Variants in PKHD1L1 observed in about 807,000 individuals in gnomAD.
PKHD1L1 encodes the protein PKHD1 like 1.
PKHD1L1 carries 434 observed loss-of-function variants against 462.9 expected under a neutral mutation model. The ratio of observed to expected loss-of-function variants is 0.94; its 90% confidence interval spans 0.87 to 1.02. The LOEUF is 1.02. PKHD1L1 is among the 50% of genes least tolerant of loss of function. The pLI, the probability that PKHD1L1 is intolerant of heterozygous loss-of-function variation, is 0.00. For missense variants in PKHD1L1, 5,202 were observed against 5,096.1 expected (o/e 1.02, Z -0.63); for synonymous variants, 1,781 against 1,750.0 (o/e 1.02, Z -0.44).
intron 24 of PKHD1L1, 134 bp downstream of exon 24, chr8:109,425,366 TATAA>T (rs1471246344): frequency 3.8e-6 from 2 of 519,612 alleles, no homozygotes; most frequent in Non-Finnish European, 5.9e-6. Context: ...TTATTTGATA[TATAA>T]GTAAATATGT....
chr8:109,480,444 G>T, intron 55 of PKHD1L1: 1 of 409,162 alleles, frequency 2.4e-6, no homozygotes, highest in East Asian at 6.0e-5. Flanking sequence ...TTCCAACAAA[G>T]AGTCCTAGGA....
intron 10 of PKHD1L1, among the ~76,000 whole-genome samples, chr8:109,394,710 A>G (rs1563733679): frequency 6.6e-6 from 1 of 152,186 alleles, no homozygotes; most frequent in Non-Finnish European, 1.5e-5. Flanking sequence ...TGAAAAATAA[A>G]CTCATTACAC....
chr8:109,387,493 T>G (rs547725568), intron 6 of PKHD1L1, among the ~76,000 whole-genome samples: 1 of 152,280 alleles, frequency 6.6e-6, no homozygotes, highest in South Asian at 2.1e-4. Flanking sequence ...GCTTTCTGTT[T>G]CAGTTTTTTC....
chr8:109,456,862 C>CA (rs1346367358), intron 46 of PKHD1L1, among the ~76,000 whole-genome samples: 1 of 152,020 alleles, frequency 6.6e-6, no homozygotes, highest in African/African-American at 2.4e-5. Flanking sequence ...AAATGGTTCC[C>CA]ACTGAGCAAA....
At chr8:109,512,912 A>T (rs1052388969) in intron 71 of PKHD1L1, among the ~76,000 whole-genome samples, 1 of 151,926 alleles carries the variant, frequency 6.6e-6, no homozygotes, top group Non-Finnish European at 1.5e-5. Context: ...GGTCCTTCAC[A>T]TCCCTTGTAA....
intron 24 of PKHD1L1, among the ~76,000 whole-genome samples, chr8:109,426,579 G>C (rs1396860057): frequency 2.0e-5 from 3 of 152,096 alleles, no homozygotes; most frequent in Non-Finnish European, 4.4e-5. Flanking sequence ...GGGGGACATA[G>C]AGTTTGCAAG....
Position 109,476,577 on chromosome 8 carries a change from A to C in PKHD1L1, c.8827A>C (p.Arg2943=). The C allele has an allele frequency of 1.9e-6, 3 of 1,568,602 alleles. No individual in the cohort carries two copies. In the East Asian group the frequency reaches 6.8e-5, roughly 36 times the overall value. The change falls in exon 52 of 78, where the codon AGG becomes CGG. Residue 2943 remains arginine, a synonymous_variant. Transcript: ENST00000378402. ...NPDMFNIIDM[R]NGSSNPLNWN... is the part of the protein sequence containing the mutation. ...TGACATGTTTAATATTATTGATATG[A>C]GGAATGGTTCCTCAAATCCATTGAA...
chr8:109,511,449 G>C (rs1819976835), intron 71 of PKHD1L1, among the ~76,000 whole-genome samples: 1 of 149,106 alleles, frequency 6.7e-6, no homozygotes, highest in African/African-American at 2.5e-5. Flanking sequence ...GTGGTGTTTG[G>C]TTTTTTGTTC....
chr8:109,451,285 G>A lies in PKHD1L1; in HGVS notation c.6350+136G>A, dbSNP rs762055136. 9.7e-6 allele frequency: 9 copies of A among 923,598 alleles called. No individual in the cohort carries two copies. In the South Asian group the frequency reaches 1.8e-4, roughly 19 times the overall value. 57.2% of individuals were successfully genotyped at this position (923,598 alleles called of 1,614,324 possible). A position where few individuals can be genotyped will look rare whatever the true frequency, so the allele number is the denominator to read the frequency against. ...TATATGCTCGTAACTTAAGCTTAAG[G>A]CAAAAATAGTACTAATTGCTAACAT... On this transcript the variant is annotated intron_variant, in intron 41 of 77. Transcript: ENST00000378402.
At chr8:109,373,078 T>A (rs1021271022) in intron 2 of PKHD1L1, among the ~76,000 whole-genome samples, 38 of 152,216 alleles carry the variant, frequency 2.5e-4, no homozygotes, top group African/African-American at 9.2e-4. Flanking sequence ...TCAGAAGGAA[T>A]GGTACCAGCT....
chr8:109,449,286 A>G (rs1391563675), intron 39 of PKHD1L1, 52 bp from the exon 40 acceptor site: 1 of 1,491,360 alleles, frequency 6.7e-7, no homozygotes, highest in African/African-American at 1.4e-5. Context: ...TGTACACAGA[A>G]GAAGTTTTAT....
At chr8:109,437,116 A>G (rs1471439707) in intron 30 of PKHD1L1, among the ~76,000 whole-genome samples, 1 of 151,998 alleles carries the variant, frequency 6.6e-6, no homozygotes, top group Non-Finnish European at 1.5e-5. Context: ...GGGTTTCACC[A>G]TATTGGCCAG....
intron 29 of PKHD1L1, among the ~76,000 whole-genome samples, chr8:109,435,701 T>C (rs1870107): frequency 0.6 from 91,108 of 152,062 alleles, 28,042 homozygotes; most frequent in African/African-American, 0.74. Flanking sequence ...CAGTGGAGCT[T>C]CTTGACCCAG....
chr8:109,375,551 T>C (rs1468908505), intron 2 of PKHD1L1, among the ~76,000 whole-genome samples: 2 of 152,180 alleles, frequency 1.3e-5, no homozygotes, highest in East Asian at 1.9e-4. Flanking sequence ...TGAGGAGCTG[T>C]GTTCCTTTGG....
intron 53 of PKHD1L1, among the ~76,000 whole-genome samples, chr8:109,477,668 C>CAT (rs1467205110): frequency 1.3e-5 from 2 of 152,130 alleles, no homozygotes; most frequent in African/African-American, 4.8e-5. Flanking sequence ...ACTCCCTTAT[C>CAT]ATATAGACGA....
chr8:109,388,451 T>C (rs921444245), intron 6 of PKHD1L1, 46 bp from the exon 7 acceptor site: 11 of 1,367,368 alleles, frequency 8.0e-6, no homozygotes, highest in Non-Finnish European at 1.1e-5. Context: ...TTTGAAACAA[T>C]TTGTTAAACA....
At chr8:109,494,104 G>T (rs1399100524) in intron 63 of PKHD1L1, among the ~76,000 whole-genome samples, 1 of 151,812 alleles carries the variant, frequency 6.6e-6, no homozygotes, top group Admixed American at 6.6e-5. Context: ...TTTAACTTCT[G>T]CTTTGATAGA....
intron 38 of PKHD1L1, 55 bp downstream of exon 38, chr8:109,445,700 A>G: frequency 7.0e-7 from 1 of 1,436,978 alleles, no homozygotes; most frequent in Non-Finnish European, 9.5e-7. Flanking sequence ...AATATTTATT[A>G]GTATGGAATT....
At chr8:109,398,010 C>A (rs1813065675) in intron 11 of PKHD1L1, among the ~76,000 whole-genome samples, 1 of 151,828 alleles carries the variant, frequency 6.6e-6, no homozygotes, top group Admixed American at 6.6e-5. Flanking sequence ...AATTATTATC[C>A]CCCTTTTTTT....
Sources: gnomAD v4.1 joint callset for allele counts (sites outside exome capture counted in the v4.1 genomes callset) on GRCh38, gnomAD v4.1.1 for gene constraint, MANE v1.5 for transcripts, NCBI Gene and HGNC (gene_info 2026-07-23, HGNC 2026-07-21) for gene names.